The following NALF1 variants were observed in gnomAD, a reference collection of about 807,000 sequenced individuals.
NALF1 encodes the protein NALCN channel auxiliary factor 1.
A neutral mutation model predicts 48.4 loss-of-function variants in NALF1; 3 were observed. The ratio of observed to expected loss-of-function variants is 0.06; its 90% CI spans 0.03 to 0.16. The LOEUF (loss-of-function observed/expected upper bound fraction) is 0.16, where lower values mean the gene tolerates loss of function less well. Ranked by LOEUF, NALF1 falls within the 10% of genes least tolerant of loss-of-function variation. The probability of loss-of-function intolerance (pLI) is 1.00; values close to 1 mark genes in which losing one functional copy is unlikely to be tolerated. For missense variants in NALF1, 526 were observed against 571.5 expected (o/e 0.92, Z 0.81); for synonymous variants, 262 against 245.7 (o/e 1.07, Z -0.62).
chr13:107,795,667 A>T (rs997868369), intron 1 of NALF1, among the ~76,000 whole-genome samples: 5 of 152,124 alleles, frequency 3.3e-5, no homozygotes, highest in African/African-American at 4.8e-5. Flanking sequence ...TATCATTGTT[A>T]TTATCCTTAA....
intron 1 of NALF1, among the ~76,000 whole-genome samples, chr13:107,446,887 C>T (rs752966729): frequency 6.6e-6 from 1 of 152,168 alleles, no homozygotes; most frequent in Non-Finnish European, 1.5e-5. Context: ...ATGTCTGAAA[C>T]AATCACATGA....
Position 107,754,474 on chromosome 13 carries a change from C to T in NALF1, c.915+111208G>A, listed in dbSNP as rs536777176. Among the ~76,000 whole-genome samples, 3 of 151,422 alleles carry T rather than the reference C, an allele frequency of 2.0e-5. No individual in the cohort carries two copies. In the South Asian group the frequency reaches 6.3e-4, roughly 32 times the overall value. On this transcript the variant is annotated intron_variant, in intron 1 of 2. Transcript: ENST00000375915. Reference sequence around the variant, plus strand: ...CAAAGAGAAGCATGATAATTATCTGCGAATCGATCTCAATGGAAGGAATGA... The same window carrying T: ...CAAAGAGAAGCATGATAATTATCTGTGAATCGATCTCAATGGAAGGAATGA...
intron 1 of NALF1, among the ~76,000 whole-genome samples, chr13:107,800,236 C>A (rs1314780335): frequency 6.6e-6 from 1 of 152,002 alleles, no homozygotes; most frequent in African/African-American, 2.4e-5. Context: ...GCCTGGCTGT[C>A]GTGAACATGA....
rs1255617246 is a variant in NALF1 at position 107,782,705 on chromosome 13, G to A, written c.915+82977C>T. 2.0e-4 allele frequency among the ~76,000 whole-genome samples: 30 copies of A among 148,290 alleles called. No individual in the cohort carries two copies. The South Asian group carries it at 2.2e-3, about 11-fold the overall frequency. On this transcript the variant is annotated intron_variant, in intron 1 of 2. Transcript: ENST00000375915. ...ATGTGGGGAGTGCCTTTGCCCCGCC[G>A]CCCCGTCTGGGATGTGAGGAGCGCC... is the stretch of plus-strand genomic sequence containing the variant.
chr13:107,390,585 A>G (rs1057220394), intron 1 of NALF1, among the ~76,000 whole-genome samples: 12 of 152,078 alleles, frequency 7.9e-5, no homozygotes, highest in Non-Finnish European at 1.8e-4. Context: ...CATCTCAAAA[A>G]CAAAAAACAA....
chr13:107,685,182 C>T (rs984894909), intron 1 of NALF1, among the ~76,000 whole-genome samples: 1 of 152,070 alleles, frequency 6.6e-6, no homozygotes, highest in African/African-American at 2.4e-5. Context: ...GGCGTGGTGG[C>T]GCACACCTGT....
At chr13:107,538,850 C>T (rs1314581526) in intron 1 of NALF1, among the ~76,000 whole-genome samples, 2 of 152,220 alleles carry the variant, frequency 1.3e-5, no homozygotes, top group African/African-American at 4.8e-5. Flanking sequence ...TCCAGCATAG[C>T]ACTTTAAATA....
chr13:107,707,372 T>C (rs1021201780), intron 1 of NALF1, among the ~76,000 whole-genome samples: 12 of 152,198 alleles, frequency 7.9e-5, no homozygotes, highest in African/African-American at 2.9e-4. Flanking sequence ...TTATGTGCAA[T>C]AGGACTTTTA....
intron 1 of NALF1, among the ~76,000 whole-genome samples, chr13:107,473,545 A>G (rs1245049385): frequency 1.3e-5 from 2 of 152,342 alleles, no homozygotes; most frequent in East Asian, 3.9e-4. Context: ...TCTGAAGAAA[A>G]CAGGACATAT....
chr13:107,307,866 A>G (rs1007327008), intron 1 of NALF1, among the ~76,000 whole-genome samples: 11 of 152,224 alleles, frequency 7.2e-5, no homozygotes, highest in Non-Finnish European at 1.6e-4. Context: ...CACTTAAAGA[A>G]AATCTGTGTT....
At chr13:107,296,422 T>A (rs116244630) in intron 1 of NALF1, among the ~76,000 whole-genome samples, 2,029 of 152,180 alleles carry the variant, frequency 0.013, 51 homozygotes, top group African/African-American at 0.047. Flanking sequence ...TATTCTTCAG[T>A]AAAATTAAAA....
At chr13:107,710,435 T>C (rs1235891201) in intron 1 of NALF1, among the ~76,000 whole-genome samples, 1 of 152,138 alleles carries the variant, frequency 6.6e-6, no homozygotes, top group East Asian at 1.9e-4. Context: ...TTCACACTGC[T>C]ATAAAGAACT....
intron 1 of NALF1, among the ~76,000 whole-genome samples, chr13:107,579,924 T>A (rs1878257984): frequency 6.6e-6 from 1 of 151,918 alleles, no homozygotes; most frequent in Admixed American, 6.6e-5. Flanking sequence ...AAATACCATT[T>A]GACCCAGCCA....
At chr13:107,468,771 G>A (rs2139050274) in intron 1 of NALF1, among the ~76,000 whole-genome samples, 1 of 152,108 alleles carries the variant, frequency 6.6e-6, no homozygotes, top group Middle Eastern at 3.4e-3. Context: ...TTTAACATTG[G>A]GAGTATGAGA....
At chr13:107,180,622 GATGCATATATATACACACACACTAC>G (rs1879041162) in intron 2 of NALF1, among the ~76,000 whole-genome samples, 1 of 151,756 alleles carries the variant, frequency 6.6e-6, no homozygotes, top group South Asian at 2.1e-4. Flanking sequence ...TTAATGTGAA[GATGCATATATATACACACACACTAC>G]ATGCATATAA....
At chr13:107,545,741 G>T (rs1001448072) in intron 1 of NALF1, among the ~76,000 whole-genome samples, 1 of 152,074 alleles carries the variant, frequency 6.6e-6, no homozygotes, top group East Asian at 1.9e-4. Context: ...GGCAGTGTGG[G>T]GTGGAAACAG....
intron 1 of NALF1, among the ~76,000 whole-genome samples, chr13:107,329,567 T>G (rs959105423): frequency 6.6e-6 from 1 of 151,940 alleles, no homozygotes; most frequent in Non-Finnish European, 1.5e-5. Context: ...TTGTTACATA[T>G]GTATACATGT....
chr13:107,175,257 G>A (rs1237786831), intron 2 of NALF1, among the ~76,000 whole-genome samples: 2 of 152,024 alleles, frequency 1.3e-5, no homozygotes, highest in Non-Finnish European at 2.9e-5. Flanking sequence ...CAGTCTCTGG[G>A]ATGGGAGTAG....
rs554424365 is a variant in NALF1, at chr13:107,207,511, G to A, written c.1087+3073C>T. On this transcript the variant is annotated intron_variant, in intron 2 of 2. Transcript: ENST00000375915. ...CACAGTTTAGCCAGTGGTCCTCTGG[G>A]AGCTGTCCTCTATTCTAACATCATC... Among the ~76,000 whole-genome samples the A allele has an allele frequency of 7.9e-5, 12 of 152,300 alleles. No homozygotes were observed. The East Asian group carries it at 2.1e-3, about 27-fold the overall frequency.
Sources: gnomAD v4.1 joint callset for allele counts (sites outside exome capture counted in the v4.1 genomes callset) on GRCh38, gnomAD v4.1.1 for gene constraint, MANE v1.5 for transcripts, NCBI Gene and HGNC (gene_info 2026-07-23, HGNC 2026-07-21) for gene names.